The following STK32B variants were observed in gnomAD, a reference collection of about 807,000 sequenced individuals.
The protein encoded by STK32B is serine/threonine kinase 32B.
A neutral mutation model predicts 52.6 loss-of-function variants in STK32B; 43 were observed. That is an observed-to-expected ratio of 0.82 (90% CI 0.64 to 1.05). The LOEUF is 1.05. Among genes scored for constraint, STK32B ranks in the 50% least tolerant of loss-of-function variants. The pLI is 0.00. For missense variants in STK32B, 621 were observed against 534.6 expected, an observed-to-expected ratio of 1.16 and a Z score of -1.59; for synonymous variants, 238 against 204.3, an observed-to-expected ratio of 1.17 and a Z score of -1.41.
At chr4:5,416,097 A>G (rs1712139492) in intron 5 of STK32B, among the ~76,000 whole-genome samples, 1 of 152,162 alleles carries the variant, frequency 6.6e-6, no homozygotes, top group Non-Finnish European at 1.5e-5. Flanking sequence ...CTGGAGTCTT[A>G]TATGTACCAA....
chr4:5,286,127 G>A (rs745695051), intron 3 of STK32B, among the ~76,000 whole-genome samples: 14 of 152,138 alleles, frequency 9.2e-5, no homozygotes, highest in Non-Finnish European at 1.9e-4. Context: ...CCAGAACTAT[G>A]AGAAAATAAA....
intron 3 of STK32B, among the ~76,000 whole-genome samples, chr4:5,229,644 C>T (rs1200355994): frequency 6.6e-6 from 1 of 152,032 alleles, no homozygotes; most frequent in Non-Finnish European, 1.5e-5. Context: ...GAGAAAAATA[C>T]ACTGTAAATA....
At chr4:5,444,414 A>G (rs1051223421) in intron 6 of STK32B, among the ~76,000 whole-genome samples, 1 of 152,068 alleles carries the variant, frequency 6.6e-6, no homozygotes, top group African/African-American at 2.4e-5. Flanking sequence ...GAACTCCCTG[A>G]CCCCTTGCGC....
chr4:5,377,911 G>C (rs141161549), intron 4 of STK32B, among the ~76,000 whole-genome samples: 63 of 152,216 alleles, frequency 4.1e-4, no homozygotes, highest in African/African-American at 1.2e-3. Context: ...ATAGCAGTGT[G>C]AAAATGGACT....
intron 1 of STK32B, among the ~76,000 whole-genome samples, chr4:5,087,267 A>G (rs1712783537): frequency 6.6e-6 from 1 of 152,046 alleles, no homozygotes; most frequent in African/African-American, 2.4e-5. Flanking sequence ...GCTAATTATA[A>G]TACCCAGGGC....
chr4:5,270,401 G>T (rs182922386), intron 3 of STK32B, among the ~76,000 whole-genome samples: 1 of 152,144 alleles, frequency 6.6e-6, no homozygotes, highest in East Asian at 1.9e-4. Flanking sequence ...CTTTTATTCA[G>T]CACTGTCAGC....
chr4:5,367,963 G>A (rs781772130), intron 4 of STK32B, among the ~76,000 whole-genome samples: 4 of 152,236 alleles, frequency 2.6e-5, no homozygotes, highest in Non-Finnish European at 4.4e-5. Flanking sequence ...TCACTGCTCC[G>A]TCGTTTCTTT....
chr4:5,494,135 G>C (rs1480873578), intron 11 of STK32B, among the ~76,000 whole-genome samples: 1 of 152,120 alleles, frequency 6.6e-6, no homozygotes, highest in Non-Finnish European at 1.5e-5. Flanking sequence ...GGGTATCTTT[G>C]TTAACTTTCT....
chr4:5,267,307 T>C (rs529636839), intron 3 of STK32B, among the ~76,000 whole-genome samples: 2 of 152,278 alleles, frequency 1.3e-5, no homozygotes, highest in Admixed American at 1.3e-4. Flanking sequence ...AGTCTTTATA[T>C]TTTTAAAATT....
At chr4:5,221,080 A>T (rs76143798) in intron 3 of STK32B, among the ~76,000 whole-genome samples, 1 of 151,996 alleles carries the variant, frequency 6.6e-6, no homozygotes, top group Admixed American at 6.6e-5. Context: ...GGGTGCCTGG[A>T]CCTCTCAGTT....
At chr4:5,317,267 TATAA>T in intron 3 of STK32B, among the ~76,000 whole-genome samples, 1 of 42,236 alleles carries the variant, frequency 2.4e-5, no homozygotes, top group Non-Finnish European at 3.7e-5. Flanking sequence ...ATAACATATA[TATAA>T]TATATAACAT....
chr4:5,141,759 C>T (rs1716473666), intron 2 of STK32B, among the ~76,000 whole-genome samples: 1 of 152,130 alleles, frequency 6.6e-6, no homozygotes, highest in Non-Finnish European at 1.5e-5. Context: ...TAGGGGGTCT[C>T]TGCAGTAGCT....
chr4:5,088,253 G>A (rs1263580807), intron 1 of STK32B, among the ~76,000 whole-genome samples: 2 of 152,120 alleles, frequency 1.3e-5, no homozygotes, highest in East Asian at 1.9e-4. Flanking sequence ...AAAACTCATG[G>A]TATGCATATA....
At chr4:5,066,103 G>T (rs987302363) in intron 1 of STK32B, among the ~76,000 whole-genome samples, 2 of 152,014 alleles carry the variant, frequency 1.3e-5, no homozygotes, top group Non-Finnish European at 2.9e-5. Flanking sequence ...AATTCCATTT[G>T]GATATCTCAA....
intron 9 of STK32B, among the ~76,000 whole-genome samples, chr4:5,461,947 C>T (rs568109689): frequency 8.5e-5 from 13 of 152,314 alleles, no homozygotes; most frequent in African/African-American, 3.1e-4. Context: ...GCTGTGGGAA[C>T]AGGCCATGGG....
chr4:5,158,620 T>A (rs1023037931), intron 2 of STK32B, among the ~76,000 whole-genome samples: 9 of 152,134 alleles, frequency 5.9e-5, no homozygotes, highest in Non-Finnish European at 1.2e-4. Flanking sequence ...ACTGCAGAGT[T>A]GGGGGCGGAA....
chr4:5,263,860 C>CAAA (rs1252876937), intron 3 of STK32B, among the ~76,000 whole-genome samples: 1 of 152,192 alleles, frequency 6.6e-6, no homozygotes, highest in Non-Finnish European at 1.5e-5. Context: ...TCCAGGAAAC[C>CAAA]ACTGTGCTTA....
At chr4:5,183,670 T>C (rs907642388) in intron 3 of STK32B, among the ~76,000 whole-genome samples, 1 of 152,198 alleles carries the variant, frequency 6.6e-6, no homozygotes. Flanking sequence ...TAAGGCTGTT[T>C]TGTTTAATTG....
chr4:5,231,390 C>T (rs1170371977), intron 3 of STK32B, among the ~76,000 whole-genome samples: 4 of 152,150 alleles, frequency 2.6e-5, no homozygotes, highest in East Asian at 1.9e-4. Flanking sequence ...GCGGAAAGAT[C>T]GCTTGAGGCC....
Sources: gnomAD v4.1 joint callset for allele counts (sites outside exome capture counted in the v4.1 genomes callset) on GRCh38, gnomAD v4.1.1 for gene constraint, MANE v1.5 for transcripts, NCBI Gene and HGNC (gene_info 2026-07-23, HGNC 2026-07-21) for gene names.